The following CTNNA3 variants were observed in gnomAD, a reference collection of about 807,000 sequenced individuals.
The protein encoded by CTNNA3 is catenin alpha-3.
In CTNNA3, 76 loss-of-function variants were observed where a neutral mutation model predicts 95.7. That is an observed-to-expected ratio of 0.79 (90% CI 0.66 to 0.96). CTNNA3 has a LOEUF of 0.96. Ranked by LOEUF, CTNNA3 falls within the 40% of genes least tolerant of loss-of-function variation. The pLI is 0.00. For missense variants in CTNNA3, 1,191 were observed against 1,089.8 expected (o/e 1.09, Z -1.31); for synonymous variants, 431 against 374.4 (o/e 1.15, Z -1.74).
At chr10:67,302,483 G>A (rs1381667080) in intron 5 of CTNNA3, among the ~76,000 whole-genome samples, 3 of 152,134 alleles carry the variant, frequency 2.0e-5, no homozygotes, top group African/African-American at 7.2e-5. Flanking sequence ...TCGCTTGACT[G>A]AGCCATTCTG....
chr10:65,988,222 A>G lies in CTNNA3; in HGVS notation c.2265+470T>C, dbSNP rs752695975. ...AAGAAATGATAGATGTTTGAGGAAT[A>G]GTATATGCTCATTACCTAATTTGAT... On this transcript the variant is annotated intron_variant, in intron 16 of 17. Coordinates refer to ENST00000433211, the MANE Select transcript of CTNNA3 (RefSeq NM_013266.4). Among the ~76,000 whole-genome samples, 49 of 152,200 alleles carry G rather than the reference A, an allele frequency of 3.2e-4. 1 individual carries two copies. Among genetic ancestry groups the G allele is most frequent in the Non-Finnish European group, 6.0e-4 (41 of 68,010 alleles).
chr10:67,128,731 A>T (rs917910950), intron 7 of CTNNA3, among the ~76,000 whole-genome samples: 1 of 152,148 alleles, frequency 6.6e-6, no homozygotes, highest in African/African-American at 2.4e-5. Flanking sequence ...GAAGGTGTCC[A>T]CATGAAAATA....
chr10:66,799,810 C>T (rs1419896816), intron 7 of CTNNA3, among the ~76,000 whole-genome samples: 1 of 151,268 alleles, frequency 6.6e-6, no homozygotes, highest in Non-Finnish European at 1.5e-5. Context: ...GAACTAAGAA[C>T]ATTCTAGTGC....
intron 9 of CTNNA3, among the ~76,000 whole-genome samples, chr10:66,679,155 T>C (rs1175621618): frequency 6.6e-6 from 1 of 152,118 alleles, no homozygotes; most frequent in South Asian, 2.1e-4. Context: ...ATAATTCAAA[T>C]GAGAAATCAT....
intron 9 of CTNNA3, among the ~76,000 whole-genome samples, chr10:66,622,863 A>G (rs1028814022): frequency 6.6e-6 from 1 of 152,162 alleles, no homozygotes; most frequent in Non-Finnish European, 1.5e-5. Flanking sequence ...ATGGATTTAC[A>G]GTCTTTGCTT....
intron 7 of CTNNA3, among the ~76,000 whole-genome samples, chr10:66,934,796 T>C (rs889687223): frequency 1.6e-4 from 25 of 152,166 alleles, no homozygotes; most frequent in African/African-American, 5.3e-4. Context: ...AGGCAAATAC[T>C]ACATTTAGCA....
chr10:66,413,379 G>C (rs1169498819), intron 11 of CTNNA3, among the ~76,000 whole-genome samples: 2 of 150,324 alleles, frequency 1.3e-5, no homozygotes, highest in Non-Finnish European at 3.0e-5. Context: ...TGCACTAGAA[G>C]GTTACATAGT....
chr10:66,973,510 A>C (rs1242538788), intron 7 of CTNNA3, among the ~76,000 whole-genome samples: 1 of 152,234 alleles, frequency 6.6e-6, no homozygotes, highest in African/African-American at 2.4e-5. Flanking sequence ...GAAGACTTTT[A>C]AGTATGCCCT....
intron 9 of CTNNA3, among the ~76,000 whole-genome samples, chr10:66,630,706 C>T (rs373538837): frequency 2.0e-5 from 3 of 152,160 alleles, no homozygotes; most frequent in African/African-American, 7.2e-5. Flanking sequence ...CTCTGGCTAA[C>T]AAGTCAGCCC....
chr10:66,049,860 G>T (rs966248728), intron 15 of CTNNA3, among the ~76,000 whole-genome samples: 1 of 152,072 alleles, frequency 6.6e-6, no homozygotes, highest in Admixed American at 6.5e-5. Context: ...TAATACCTGG[G>T]TGATGAAATA....
chr10:66,609,574 T>G (rs1360744106), intron 10 of CTNNA3, among the ~76,000 whole-genome samples: 1 of 151,742 alleles, frequency 6.6e-6, no homozygotes, highest in Non-Finnish European at 1.5e-5. Context: ...CCAGTCAGAA[T>G]GGCTATTACT....
chr10:67,512,032 A>C (rs1321687372), intron 5 of CTNNA3, among the ~76,000 whole-genome samples: 2 of 152,178 alleles, frequency 1.3e-5, no homozygotes, highest in African/African-American at 4.8e-5. Context: ...CTGTGGGATC[A>C]GTGGTGATAT....
chr10:66,786,864 T>C (rs1840767201), intron 7 of CTNNA3, among the ~76,000 whole-genome samples: 1 of 152,044 alleles, frequency 6.6e-6, no homozygotes, highest in Non-Finnish European at 1.5e-5. Flanking sequence ...TTCAAGTCAG[T>C]TAAGTGGAAA....
At chr10:67,760,884 C>T (rs894030625) in intron 1 of CTNNA3, among the ~76,000 whole-genome samples, 6 of 152,132 alleles carry the variant, frequency 3.9e-5, no homozygotes, top group African/African-American at 1.4e-4. Flanking sequence ...TCAGGGCTCC[C>T]ACTGATTCTA....
At chr10:67,651,526 T>C (rs1589535087) in intron 1 of CTNNA3, among the ~76,000 whole-genome samples, 1 of 152,322 alleles carries the variant, frequency 6.6e-6, no homozygotes, top group Non-Finnish European at 1.5e-5. Context: ...ATTAAGTCAT[T>C]AAACAGGTGA....
intron 11 of CTNNA3, among the ~76,000 whole-genome samples, chr10:66,451,294 C>T (rs1232529383): frequency 1.3e-5 from 2 of 152,074 alleles, no homozygotes; most frequent in Non-Finnish European, 2.9e-5. Flanking sequence ...ATGCTTGACA[C>T]GTGTCATTTT....
chr10:65,958,771 C>T (rs2077783030), intron 17 of CTNNA3, among the ~76,000 whole-genome samples: 1 of 152,168 alleles, frequency 6.6e-6, no homozygotes, highest in African/African-American at 2.4e-5. Context: ...CTCAGAGGGG[C>T]AACCAGGCGT....
At chr10:67,661,892 G>A (rs1190904918) in intron 1 of CTNNA3, among the ~76,000 whole-genome samples, 1 of 152,148 alleles carries the variant, frequency 6.6e-6, no homozygotes, top group Non-Finnish European at 1.5e-5. Context: ...ACTGGAGCTA[G>A]CAAAGATGAG....
chr10:67,501,738 C>A (rs1226766567), intron 5 of CTNNA3, among the ~76,000 whole-genome samples: 1 of 152,084 alleles, frequency 6.6e-6, no homozygotes, highest in Non-Finnish European at 1.5e-5. Context: ...GATATCTTTT[C>A]TTCCGCTTGA....
Sources: gnomAD v4.1 joint callset for allele counts (sites outside exome capture counted in the v4.1 genomes callset) on GRCh38, gnomAD v4.1.1 for gene constraint, MANE v1.5 for transcripts, NCBI Gene and HGNC (gene_info 2026-07-23, HGNC 2026-07-21) for gene names.